The following FGF13 variants were observed in gnomAD, a reference collection of about 807,000 sequenced individuals.
FGF13 encodes fibroblast growth factor homologous factor 2.
In FGF13, 2 loss-of-function variants were observed where a neutral mutation model predicts 19.5. The observed-to-expected ratio is 0.10, with a 90% CI of 0.04 to 0.32. FGF13 has a LOEUF of 0.32. Among genes scored for constraint, FGF13 ranks in the 10% least tolerant of loss-of-function variants. The pLI is 1.00. For missense variants in FGF13, 113 were observed against 192.7 expected (o/e 0.59, Z 2.45); for synonymous variants, 72 against 76.9 (o/e 0.94, Z 0.33).
chrX:138,677,298 A>C (rs2089679373), intron 3 of FGF13, among the ~76,000 whole-genome samples: 1 of 110,601 alleles, frequency 9.0e-6, no homozygotes, highest in African/African-American at 3.3e-5. Context: ...CACCAAAAGC[A>C]ATGGCAACAA....
intron 3 of FGF13, among the ~76,000 whole-genome samples, chrX:138,653,953 C>G (rs2089404579): frequency 8.9e-6 from 1 of 111,738 alleles, no homozygotes; most frequent in Non-Finnish European, 1.9e-5. Flanking sequence ...AATAGCGTCC[C>G]AGATTGGTGT....
chrX:139,138,522 A>G (rs1455151549), intron 1 of FGF13, among the ~76,000 whole-genome samples: 2 of 111,645 alleles, frequency 1.8e-5, no homozygotes, highest in Non-Finnish European at 3.8e-5. Context: ...TTTCACATGA[A>G]CAACTCCATC....
At chrX:138,673,226 C>T (rs924414019) in intron 3 of FGF13, among the ~76,000 whole-genome samples, 1 of 111,296 alleles carries the variant, frequency 9.0e-6, no homozygotes, top group African/African-American at 3.3e-5. Flanking sequence ...TATTTTTTCT[C>T]ATTTAAATGA....
intron 1 of FGF13, among the ~76,000 whole-genome samples, chrX:138,961,412 G>C (rs1462158440): frequency 9.0e-6 from 1 of 110,675 alleles, no homozygotes; most frequent in Non-Finnish European, 1.9e-5. Context: ...GGCACCTACT[G>C]GGAGGTGTCT....
At chrX:139,059,430 AAGAGAGAG>A (rs769992893) in intron 1 of FGF13, among the ~76,000 whole-genome samples, 2 of 107,360 alleles carry the variant, frequency 1.9e-5, no homozygotes, top group African/African-American at 3.4e-5. Flanking sequence ...TTAAAAAAAA[AAGAGAGAG>A]AGAGAGAGAG....
chrX:139,080,078 G>A (rs200455900), intron 1 of FGF13, among the ~76,000 whole-genome samples: 12 of 95,743 alleles, frequency 1.3e-4, no homozygotes, highest in Admixed American at 6.9e-4. Flanking sequence ...ACACACACAC[G>A]CACACACACA....
intron 1 of FGF13, among the ~76,000 whole-genome samples, chrX:139,092,065 G>A (rs747481133): frequency 9.0e-6 from 1 of 111,552 alleles, no homozygotes; most frequent in East Asian, 2.9e-4. Flanking sequence ...GCAATATACA[G>A]GCAAGAGGTA....
At chrX:138,707,862 T>C (rs1037264033) in intron 2 of FGF13, among the ~76,000 whole-genome samples, 1 of 112,511 alleles carries the variant, frequency 8.9e-6, no homozygotes, top group Admixed American at 9.4e-5. Flanking sequence ...GGCATTGCTG[T>C]AGCCATACAA....
chrX:138,792,892 C>T (rs1231433410), intron 3 of FGF13, among the ~76,000 whole-genome samples: 4 of 111,485 alleles, frequency 3.6e-5, no homozygotes, highest in Non-Finnish European at 7.5e-5. Flanking sequence ...CTCCTGTAAC[C>T]TGTGAATGTT....
At chrX:138,752,110 A>T (rs968229138) in intron 3 of FGF13, among the ~76,000 whole-genome samples, 13 of 111,895 alleles carry the variant, frequency 1.2e-4, no homozygotes, top group Non-Finnish European at 2.4e-4. Context: ...GGGATGCATG[A>T]GCCTCAGGAA....
chrX:138,777,563 G>C (rs1376445735), intron 3 of FGF13, among the ~76,000 whole-genome samples: 1 of 111,718 alleles, frequency 9.0e-6, no homozygotes, highest in Non-Finnish European at 1.9e-5. Context: ...GCCCAGCCAC[G>C]ACAAGTGGCC....
intron 3 of FGF13, among the ~76,000 whole-genome samples, chrX:138,746,808 C>A: frequency 8.9e-6 from 1 of 112,514 alleles, no homozygotes; most frequent in Non-Finnish European, 1.9e-5. Context: ...CAGTGCCCAG[C>A]ATACAGTAAG....
chrX:139,038,911 T>C (rs1192324359), intron 1 of FGF13, among the ~76,000 whole-genome samples: 1 of 112,295 alleles, frequency 8.9e-6, no homozygotes, highest in Non-Finnish European at 1.9e-5. Flanking sequence ...AGGAATATAT[T>C]CTGTACAATG....
At chrX:139,035,582 C>A (rs1429264254) in intron 1 of FGF13, among the ~76,000 whole-genome samples, 1 of 111,434 alleles carries the variant, frequency 9.0e-6, no homozygotes, top group Non-Finnish European at 1.9e-5. Context: ...GAACTTCTTT[C>A]CTTTCACGGG....
chrX:138,878,450 T>C (rs1247032897), intron 1 of FGF13, among the ~76,000 whole-genome samples: 1 of 107,928 alleles, frequency 9.3e-6, no homozygotes, highest in African/African-American at 3.5e-5. Flanking sequence ...TGGTTTCCAG[T>C]TTCATCCCTG....
chrX:139,116,349 T>C (rs779261746), intron 1 of FGF13, among the ~76,000 whole-genome samples: 1 of 112,017 alleles, frequency 8.9e-6, no homozygotes, highest in Admixed American at 9.5e-5. Flanking sequence ...TTTATTTCCA[T>C]TGGTATTTTT....
At chrX:139,194,388 T>C (rs754246671) in intron 1 of FGF13, among the ~76,000 whole-genome samples, 7 of 112,146 alleles carry the variant, frequency 6.2e-5, no homozygotes, top group Non-Finnish European at 1.3e-4. Context: ...CCGGTAAACA[T>C]GCATTATTTT....
intron 3 of FGF13, among the ~76,000 whole-genome samples, chrX:138,788,166 T>C (rs1270064960): frequency 8.9e-6 from 1 of 112,047 alleles, no homozygotes; most frequent in Non-Finnish European, 1.9e-5. Context: ...GTCATGTCTT[T>C]CCAAAATACA....
intron 3 of FGF13, among the ~76,000 whole-genome samples, chrX:138,651,165 A>C (rs759176962): frequency 1.8e-5 from 2 of 112,110 alleles, no homozygotes; most frequent in Admixed American, 1.9e-4. Context: ...TAAGCTCTGC[A>C]GACTATACTT....
Sources: gnomAD v4.1 joint callset for allele counts (sites outside exome capture counted in the v4.1 genomes callset) on GRCh38, gnomAD v4.1.1 for gene constraint, MANE v1.5 for transcripts, NCBI Gene and HGNC (gene_info 2026-07-23, HGNC 2026-07-21) for gene names.